Variants in SUPT3H observed in about 807,000 individuals in gnomAD.
SUPT3H encodes the protein SPT3 homolog, SAGA and STAGA complex component, also known as transcription initiation protein SPT3 homolog.
In SUPT3H, 44 loss-of-function variants were observed where a neutral mutation model predicts 44.3. That is an observed-to-expected ratio of 0.99 (90% CI 0.78 to 1.28). The LOEUF (loss-of-function observed/expected upper bound fraction) is 1.28, where lower values mean the gene tolerates loss of function less well. Among genes scored for constraint, SUPT3H ranks in the 50% most tolerant of loss-of-function variants. The pLI is 0.00. For missense variants in SUPT3H, 380 were observed against 387.1 expected (o/e 0.98, Z 0.15); for synonymous variants, 124 against 125.6 (o/e 0.99, Z 0.09).
At chr6:45,376,548 A>G (rs1344446334) in intron 1 of SUPT3H, among the ~76,000 whole-genome samples, 1 of 152,214 alleles carries the variant, frequency 6.6e-6, no homozygotes, top group African/African-American at 2.4e-5. Context: ...CAGATTATGG[A>G]ACATCTCCAT....
chr6:45,247,341 C>T (rs1771548166), intron 2 of SUPT3H, among the ~76,000 whole-genome samples: 1 of 152,146 alleles, frequency 6.6e-6, no homozygotes, highest in Non-Finnish European at 1.5e-5. Context: ...TGGGGTGTTC[C>T]CATGTAACAT....
At chr6:44,998,036 C>T (rs79239688) in intron 6 of SUPT3H, among the ~76,000 whole-genome samples, 8,058 of 151,818 alleles carry the variant, frequency 0.053, 718 homozygotes, top group African/African-American at 0.18. Context: ...ATTAAAATTG[C>T]TAATACTTTA....
downstream of SUPT3H, among the ~76,000 whole-genome samples, chr6:44,824,255 G>A (rs1767577668): frequency 1.3e-5 from 2 of 152,222 alleles, no homozygotes; most frequent in Non-Finnish European, 1.5e-5. Flanking sequence ...CTTAGTGTCT[G>A]CTTGCTTGAC....
intron 2 of SUPT3H, among the ~76,000 whole-genome samples, chr6:45,360,051 T>C (rs1281699830): frequency 6.6e-6 from 1 of 152,204 alleles, no homozygotes; most frequent in African/African-American, 2.4e-5. Context: ...ACATAAACTG[T>C]TGAAAGTCAT....
chr6:45,065,554 G>C, intron 3 of SUPT3H, among the ~76,000 whole-genome samples: 1 of 151,652 alleles, frequency 6.6e-6, no homozygotes, highest in East Asian at 1.9e-4. Flanking sequence ...AAAATTGATA[G>C]ACCACTAGCA....
intron 10 of SUPT3H, among the ~76,000 whole-genome samples, chr6:44,893,159 T>G (rs528584432): frequency 2.0e-5 from 3 of 152,282 alleles, no homozygotes; most frequent in African/African-American, 7.2e-5. Flanking sequence ...AGAAGGCATC[T>G]CATCTCACTT....
chr6:45,202,548 T>A lies in SUPT3H; in HGVS notation c.102-96542A>T, dbSNP rs1248721312. 1.1e-4 allele frequency among the ~76,000 whole-genome samples: 16 copies of A among 152,048 alleles called. 1 individual carries two copies. Among genetic ancestry groups the A allele is most frequent in the Non-Finnish European group, 4.4e-5 (3 of 67,902 alleles). On this transcript the variant is annotated intron_variant, in intron 2 of 10. Coordinates refer to ENST00000371459, the MANE Select transcript of SUPT3H (RefSeq NM_003599.4). ...TGCTTTTACCCAATGATCTTTTGTA[T>A]AACGTAGTCAAATATCCCATTTAGA...
chr6:45,328,175 A>AAGAG, intron 2 of SUPT3H: 4 of 829,802 alleles, frequency 4.8e-6, no homozygotes, highest in Non-Finnish European at 6.5e-6. Flanking sequence ...GAGAGAGAGA[A>AAGAG]AGAGCAAGGG....
At chr6:44,912,250 C>A (rs1489672612) in intron 10 of SUPT3H, among the ~76,000 whole-genome samples, 1 of 152,192 alleles carries the variant, frequency 6.6e-6, no homozygotes, top group Non-Finnish European at 1.5e-5. Flanking sequence ...TCCTCTTCCC[C>A]CACTGCTGTA....
At chr6:45,178,287 G>T (rs1812400133) in intron 2 of SUPT3H, among the ~76,000 whole-genome samples, 1 of 152,070 alleles carries the variant, frequency 6.6e-6, no homozygotes, top group African/African-American at 2.4e-5. Flanking sequence ...TGATAAAACA[G>T]ACTTTAAACC....
chr6:45,062,341 T>C (rs1325037680), intron 3 of SUPT3H, among the ~76,000 whole-genome samples: 1 of 152,216 alleles, frequency 6.6e-6, no homozygotes, highest in Non-Finnish European at 1.5e-5. Flanking sequence ...ATCCAGAGCA[T>C]TATAAATATC....
At chr6:45,018,268 G>A (rs1402744325) in intron 4 of SUPT3H, among the ~76,000 whole-genome samples, 1 of 152,076 alleles carries the variant, frequency 6.6e-6, no homozygotes, top group African/African-American at 2.4e-5. Flanking sequence ...GGGTTTTCTA[G>A]ATATATAATC....
At chr6:44,813,351 G>A (rs1256416570) in intron 11 of SUPT3H, among the ~76,000 whole-genome samples, 5 of 152,026 alleles carry the variant, frequency 3.3e-5, no homozygotes, top group African/African-American at 1.2e-4. Context: ...ACCACGCCCA[G>A]TTAATTTTTA....
At chr6:45,285,160 G>A (rs1278435672) in intron 2 of SUPT3H, among the ~76,000 whole-genome samples, 2 of 151,596 alleles carry the variant, frequency 1.3e-5, no homozygotes, top group East Asian at 3.9e-4. Context: ...AAAACTGGAA[G>A]CATTCCCTTT....
intron 5 of SUPT3H, among the ~76,000 whole-genome samples, chr6:45,004,103 T>C (rs892150707): frequency 6.6e-6 from 1 of 152,102 alleles, no homozygotes; most frequent in African/African-American, 2.4e-5. Context: ...AATACTGTTA[T>C]ATAGTATTTA....
At chr6:45,141,338 C>CAAAAAAAAAAAA (rs1162738855) in intron 2 of SUPT3H, among the ~76,000 whole-genome samples, 4 of 45,280 alleles carry the variant, frequency 8.8e-5, no homozygotes, top group African/African-American at 1.1e-4. Context: ...GACTCCATCT[C>CAAAAAAAAAAAA]AAAAAAAAAA....
At chr6:45,227,727 A>G (rs766844372) in intron 2 of SUPT3H, among the ~76,000 whole-genome samples, 8 of 152,120 alleles carry the variant, frequency 5.3e-5, no homozygotes, top group African/African-American at 9.7e-5. Flanking sequence ...TAAGATTCAA[A>G]GGTAGAGAAT....
intron 6 of SUPT3H, among the ~76,000 whole-genome samples, chr6:44,984,310 T>C (rs1362758515): frequency 1.3e-5 from 2 of 152,146 alleles, no homozygotes; most frequent in Non-Finnish European, 2.9e-5. Context: ...TGGTGGCATG[T>C]AACCCTCTAA....
chr6:45,149,888 T>A (rs1806646344), intron 2 of SUPT3H, among the ~76,000 whole-genome samples: 3 of 152,174 alleles, frequency 2.0e-5, no homozygotes, highest in African/African-American at 7.2e-5. Context: ...TCTTGGCCTT[T>A]TGGCTAAGAT....
Sources: gnomAD v4.1 joint callset for allele counts (sites outside exome capture counted in the v4.1 genomes callset) on GRCh38, gnomAD v4.1.1 for gene constraint, MANE v1.5 for transcripts, NCBI Gene and HGNC (gene_info 2026-07-23, HGNC 2026-07-21) for gene names.